Variants in SLC43A1 observed in about 807,000 individuals in gnomAD.
The protein encoded by SLC43A1 is solute carrier family 43 member 1.
A neutral mutation model predicts 59.5 loss-of-function variants in SLC43A1; 31 were observed. The observed-to-expected ratio is 0.52, with a 90% CI of 0.39 to 0.70. The LOEUF is 0.70. SLC43A1 is among the 30% of genes least tolerant of loss of function. The pLI, the probability that SLC43A1 is intolerant of heterozygous loss-of-function variation, is 0.00. For synonymous variants in SLC43A1, 259 were observed against 290.9 expected, an observed-to-expected ratio of 0.89 and a Z score of 1.12; for missense variants, 598 against 717.8, an observed-to-expected ratio of 0.83 and a Z score of 1.91.
intron 5 of SLC43A1, among the ~76,000 whole-genome samples, chr11:57,500,095 C>G (rs560680980): frequency 6.6e-6 from 1 of 152,316 alleles, no homozygotes; most frequent in East Asian, 1.9e-4. Flanking sequence ...GCCTTTAACA[C>G]TCCTAAGCCT....
chr11:57,502,109 A>T (rs1442403133), intron 2 of SLC43A1, among the ~76,000 whole-genome samples: 1 of 152,190 alleles, frequency 6.6e-6, no homozygotes, highest in Non-Finnish European at 1.5e-5. Context: ...GCCAACTTGG[A>T]GTTGTGACAA....
At chr11:57,513,607 G>A (rs1944607847) in intron 2 of SLC43A1, among the ~76,000 whole-genome samples, 1 of 152,174 alleles carries the variant, frequency 6.6e-6, no homozygotes, top group African/African-American at 2.4e-5. Flanking sequence ...ACTCCACTTT[G>A]TGCAGCTCTC....
intron 5 of SLC43A1, among the ~76,000 whole-genome samples, chr11:57,498,341 T>C (rs1944147846): frequency 6.6e-6 from 1 of 152,042 alleles, no homozygotes; most frequent in African/African-American, 2.4e-5. Context: ...CTCCAGAGGC[T>C]GAGGCAGGAG....
At chr11:57,501,067 AG>A in intron 3 of SLC43A1, 24 bp from the exon 4 acceptor site, 1 of 1,607,100 alleles carries the variant, frequency 6.2e-7, no homozygotes, top group Middle Eastern at 1.7e-4. Flanking sequence ...GGGAAGGGCG[AG>A]GGGTTGGCCT....
At chr11:57,510,864 C>T (rs535144756) in intron 2 of SLC43A1, among the ~76,000 whole-genome samples, 5 of 151,896 alleles carry the variant, frequency 3.3e-5, no homozygotes, top group South Asian at 2.1e-4. Context: ...TGGTGGCGGG[C>T]GCCTGTACCT....
chr11:57,512,259 A>G (rs1373372132), intron 2 of SLC43A1, among the ~76,000 whole-genome samples: 1 of 152,086 alleles, frequency 6.6e-6, no homozygotes, highest in African/African-American at 2.4e-5. Flanking sequence ...ATTTTAAAGA[A>G]ACACCACCAG....
intron 2 of SLC43A1, among the ~76,000 whole-genome samples, chr11:57,505,823 T>A (rs1944381172): frequency 6.6e-6 from 1 of 152,216 alleles, no homozygotes; most frequent in Admixed American, 6.5e-5. Context: ...GTTCAAATTC[T>A]AATTCCACTA....
Position 57,485,250 on chromosome 11 carries a change from G to A in SLC43A1, c.1534-8C>T, listed in dbSNP as rs1943698771. ...CAGGAGGCCCAGATTCACCTTTAGG[G>A]CAAGGAGAGAGAAACAGAGTCAAGT... On this transcript the variant is annotated splice_region_variant and splice_polypyrimidine_tract_variant and intron_variant, in intron 14 of 14. Transcript: ENST00000278426. The A allele has an allele frequency of 1.2e-6, 2 of 1,608,576 alleles. No individual in the cohort carries two copies. The highest frequency in any genetic ancestry group is 2.2e-5 in the South Asian group (2 of 90,284).
At chr11:57,490,324 A>C (rs1331129207) in intron 11 of SLC43A1, among the ~76,000 whole-genome samples, 4 of 151,864 alleles carry the variant, frequency 2.6e-5, no homozygotes, top group African/African-American at 9.7e-5. Flanking sequence ...AAAAAAAAAA[A>C]AACCCTCAAT....
At position 57,490,883 on chromosome 11, in the gene SLC43A1, G is replaced by T. The variant is rs544652592; in HGVS notation, c.1193+341C>A. 1.4e-4 allele frequency among the ~76,000 whole-genome samples: 22 copies of T among 152,352 alleles called. 1 individual carries two copies. The South Asian group carries it at 4.6e-3, about 32-fold the overall frequency. Reference sequence around the variant, plus strand: ...CAGGTTCTGGAGGCTGCCACTGAAAGCTGTGTGATCTTGGGTGAATGACCT... The same window carrying T: ...CAGGTTCTGGAGGCTGCCACTGAAATCTGTGTGATCTTGGGTGAATGACCT... On this transcript the variant is annotated intron_variant, in intron 11 of 14. Transcript: ENST00000278426.
chr11:57,504,910 T>C (rs1944357245), intron 2 of SLC43A1, among the ~76,000 whole-genome samples: 1 of 152,200 alleles, frequency 6.6e-6, no homozygotes, highest in Non-Finnish European at 1.5e-5. Flanking sequence ...TCACTCTGAG[T>C]AGTTGGATAA....
intron 11 of SLC43A1, 121 bp downstream of exon 11, chr11:57,491,103 G>A: frequency 2.4e-6 from 3 of 1,240,242 alleles, no homozygotes; most frequent in African/African-American, 1.5e-5. Flanking sequence ...AAATGGGGAG[G>A]TACCCCTGAT....
chr11:57,505,910 G>C (rs1480591323), intron 2 of SLC43A1, among the ~76,000 whole-genome samples: 1 of 152,146 alleles, frequency 6.6e-6, no homozygotes, highest in Non-Finnish European at 1.5e-5. Flanking sequence ...CACCTGAGAG[G>C]CTGGCTCTGA....
Position 57,484,721 on chromosome 11 carries a change from G to A in SLC43A1, c.*375C>T. The A allele has an allele frequency of 1.8e-5, 3 of 170,406 alleles. No homozygotes were observed. The South Asian group carries it at 4.2e-4, about 24-fold the overall frequency. The allele number at this position is 170,406 out of a possible 1,614,324, so 10.6% of individuals were successfully genotyped here. The stretch of plus-strand genomic sequence containing the variant: ...CACATTCACACATACACAGACACAT[G>A]CATGTGTGCACACTCATGGCACATG... On this transcript the variant is annotated 3_prime_UTR_variant, in exon 15 of 15. Coordinates refer to ENST00000278426, the MANE Select transcript of SLC43A1 (RefSeq NM_003627.6).
At position 57,491,137 on chromosome 11, in the gene SLC43A1, C is replaced by A. The variant is rs1943884320; in HGVS notation, c.1193+87G>T. On this transcript the variant is annotated intron_variant, in intron 11 of 14. Coordinates refer to ENST00000278426, the MANE Select transcript of SLC43A1 (RefSeq NM_003627.6). ...ATCTCCTAGGGTTCTTGGGAGAAAG[C>A]AACAAGTTGCTGGATGTAAACGCAC... The A allele has an allele frequency of 3.5e-6, 5 of 1,423,788 alleles. No individual in the cohort carries two copies. The South Asian group carries it at 6.7e-5, about 19-fold the overall frequency. The allele number at this position is 1,423,788 out of a possible 1,614,324, so 88.2% of individuals were successfully genotyped here.
At position 57,494,086 on chromosome 11, in the gene SLC43A1, T is replaced by C. The variant is rs979525872; in HGVS notation, c.778A>G (p.Arg260Gly). The change falls in exon 8 of 15, where the codon AGG becomes GGG. Residue 260 changes from arginine to glycine, a missense_variant. Physicochemically the swap from Arg to Gly is moderately radical, Grantham distance 125. Transcript: ENST00000278426. ...AGGCTGGGGGCCTTCTGGCTGAGCC[T>C]CTGGCCCATGGTGGTCACATGGGTG... is the stretch of plus-strand genomic sequence containing the variant. ...FYTHVTTMGQ[R>G]LSQKAPSLED... 2 of 1,611,500 alleles carry C rather than the reference T, an allele frequency of 1.2e-6. No homozygotes were observed. Among genetic ancestry groups the C allele is most frequent in the Non-Finnish European group, 1.7e-6 (2 of 1,178,866 alleles).
At position 57,488,940 on chromosome 11, in the gene SLC43A1, G is replaced by A; in HGVS notation, c.1385C>T (p.Ala462Val). The A allele has an allele frequency of 6.2e-7, 1 of 1,614,116 alleles. No homozygotes were observed. Among genetic ancestry groups the A allele is most frequent in the Non-Finnish European group, 8.5e-7 (1 of 1,179,944 alleles). The change falls in exon 13 of 15, where the codon GCC (alanine) becomes GTC (valine). Residue 462 changes from alanine to valine, a missense_variant. Transcript: ENST00000278426. ...HTIVRGFFHS[A>V]CGSLYAAVFP... is the part of the protein sequence containing the mutation. ...CACTGCAGCATAGAGACTCCCACAG[G>A]CTGAGTGGAAGAAACCTCGAACAAT...
chr11:57,496,131 T>C lies in SLC43A1; in HGVS notation c.592A>G (p.Ile198Val). The C allele has an allele frequency of 3.1e-6, 5 of 1,614,074 alleles. No individual in the cohort carries two copies. In the East Asian group the frequency reaches 1.1e-4, roughly 36 times the overall value. Residue 198 changes from isoleucine (I) to valine (V), a missense_variant, in exon 7 of 15, where the codon ATC (isoleucine) becomes GTC (valine). Ile to Val is a conservative substitution (Grantham distance 29). Coordinates refer to ENST00000278426, the MANE Select transcript of SLC43A1 (RefSeq NM_003627.6). ...GCCAGGCCAGACCAGGTGAACATGA[T>C]GACCACGAAGGCCACACCGGCATCG... ...IYDAGVAFVVIMFTWSGLACL... is the reference protein window; with the variant it reads ...IYDAGVAFVVVMFTWSGLACL...
At position 57,514,125 on chromosome 11, in the gene SLC43A1, C is replaced by T; in HGVS notation, c.-13-1G>A. 1 of 1,580,126 alleles carries T rather than the reference C, an allele frequency of 6.3e-7. No homozygotes were observed. The highest frequency in any genetic ancestry group is 8.6e-7 in the Non-Finnish European group (1 of 1,164,516). On this transcript the variant is annotated splice_acceptor_variant, in intron 1 of 14. Coordinates refer to ENST00000278426, the MANE Select transcript of SLC43A1 (RefSeq NM_003627.6). LOFTEE classifies it low-confidence loss of function (5UTR_SPLICE). The surrounding 1 kb of genome is among the most constrained non-coding windows in gnomAD (Gnocchi z 5.5). ...CGTGGGGGCCATGCTGGCCCCGAGC[C>T]TGCACAGAAACAGAGCGCTGGGTGA...
Sources: allele counts gnomAD v4.1 joint callset (sites outside exome capture counted in the v4.1 genomes callset), GRCh38; gene constraint gnomAD v4.1.1; non-coding constraint Gnocchi (gnomAD v3.1); transcripts MANE v1.5; gene names NCBI Gene and HGNC (gene_info 2026-07-23, HGNC 2026-07-21).